Variants in CNPY1 observed in about 807,000 individuals in gnomAD.
CNPY1 encodes canopy FGF signaling regulator 1.
CNPY1 carries 14 observed loss-of-function variants against 14.4 expected under a neutral mutation model. The observed-to-expected ratio is 0.97, with a 90% CI of 0.64 to 1.52. CNPY1 has a LOEUF of 1.52. CNPY1 is among the 40% of genes most tolerant of loss of function. The pLI, the probability that CNPY1 is intolerant of heterozygous loss-of-function variation, is 0.00. For missense variants in CNPY1, 129 were observed against 131.5 expected (o/e 0.98, Z 0.09); for synonymous variants, 43 against 46.5 (o/e 0.92, Z 0.31).
chr7:155,542,045 G>T (rs994632765), intron 2 of CNPY1, among the ~76,000 whole-genome samples: 2 of 152,052 alleles, frequency 1.3e-5, no homozygotes, highest in Non-Finnish European at 2.9e-5. Flanking sequence ...GGGCAGGGTC[G>T]GGGGGGCAGA....
chr7:155,521,052 A>AAGG (rs1796711870), intron 2 of CNPY1, among the ~76,000 whole-genome samples: 1 of 134,456 alleles, frequency 7.4e-6, no homozygotes, highest in Non-Finnish European at 1.6e-5. Context: ...AAAAAAAAAG[A>AAGG]AAGAAGGAAG....
chr7:155,521,055 GAAGGAAGGAAGGAAGGAAGGAAGC>G (rs1563091208), intron 2 of CNPY1, among the ~76,000 whole-genome samples: 3 of 99,310 alleles, frequency 3.0e-5, no homozygotes, highest in Admixed American at 8.9e-5. Flanking sequence ...AAAAAAGAAA[GAAGGAAGGAAGGAAGGAAGGAAGC>G]AAGGAAGGAA....
intron 2 of CNPY1, among the ~76,000 whole-genome samples, chr7:155,527,857 G>A (rs553624215): frequency 6.6e-6 from 1 of 152,304 alleles, no homozygotes; most frequent in African/African-American, 2.4e-5. Flanking sequence ...CACACACAGG[G>A]GTCCCGGCCG....
chr7:155,516,781 C>T (rs982652472), intron 2 of CNPY1, among the ~76,000 whole-genome samples: 7 of 152,162 alleles, frequency 4.6e-5, no homozygotes, highest in Non-Finnish European at 7.4e-5. Context: ...GGGTGACACT[C>T]GGGCCATTCC....
intron 4 of CNPY1, 27 bp downstream of exon 4, chr7:155,506,993 G>C (rs763611061): frequency 7.0e-7 from 1 of 1,436,282 alleles, no homozygotes; most frequent in Non-Finnish European, 9.8e-7. Context: ...TGCGAGCAGC[G>C]AGCACATGTT....
At chr7:155,532,307 C>T (rs1446229774) in intron 2 of CNPY1, among the ~76,000 whole-genome samples, 1 of 152,200 alleles carries the variant, frequency 6.6e-6, no homozygotes, top group Admixed American at 6.5e-5. Context: ...CTTAAACAGC[C>T]TTCTCCAGCT....
chr7:155,504,727 C>CACACACAG (rs1437578432), intron 4 of CNPY1, among the ~76,000 whole-genome samples: 3 of 144,146 alleles, frequency 2.1e-5, no homozygotes, highest in African/African-American at 7.7e-5. Context: ...CACACACACA[C>CACACACAG]AGTCACATCT....
rs1796159839 is a variant in CNPY1, at chr7:155,502,793, C to G, written c.*275G>C. 2 of 447,688 alleles carry G rather than the reference C, an allele frequency of 4.5e-6. No homozygotes were observed. Among genetic ancestry groups the G allele is most frequent in the South Asian group, 9.7e-5 (2 of 20,560 alleles). The allele number at this position is 447,688 out of a possible 1,614,324, so 27.7% of individuals were successfully genotyped here. A position where few individuals can be genotyped will look rare whatever the true frequency, so the allele number is the denominator to read the frequency against. On this transcript the variant is annotated 3_prime_UTR_variant, in exon 5 of 5. Coordinates refer to ENST00000636446, the MANE Select transcript of CNPY1 (RefSeq NM_001393663.1). Reference sequence around the variant, plus strand: ...AATGTCTTCGCTTTTTTCCTCAATACAGAATTAAATCCTCTATTGTCAAGC... The same window carrying G: ...AATGTCTTCGCTTTTTTCCTCAATAGAGAATTAAATCCTCTATTGTCAAGC...
At chr7:155,520,542 A>G (rs1458543079) in intron 2 of CNPY1, among the ~76,000 whole-genome samples, 1 of 137,678 alleles carries the variant, frequency 7.3e-6, no homozygotes, top group Non-Finnish European at 1.5e-5. Flanking sequence ...AGTTCAAGTG[A>G]TTCTCATGCC....
chr7:155,517,907 T>G (rs1365489994), intron 2 of CNPY1, among the ~76,000 whole-genome samples: 1 of 152,240 alleles, frequency 6.6e-6, no homozygotes, highest in Non-Finnish European at 1.5e-5. Flanking sequence ...TTATCTCCGA[T>G]AGCCATCATT....
chr7:155,528,953 T>C (rs1464186352), intron 2 of CNPY1, among the ~76,000 whole-genome samples: 1 of 151,216 alleles, frequency 6.6e-6, no homozygotes, highest in Non-Finnish European at 1.5e-5. Flanking sequence ...CCCAGCTACT[T>C]GGGAAGCTGA....
At chr7:155,515,303 C>CT (rs1707564968) in intron 2 of CNPY1, among the ~76,000 whole-genome samples, 1 of 129,190 alleles carries the variant, frequency 7.7e-6, no homozygotes, top group Non-Finnish European at 1.7e-5. Context: ...CGCCCCCCCC[C>CT]CCCCCGGCCC....
At chr7:155,539,143 A>G (rs916125826) in intron 2 of CNPY1, among the ~76,000 whole-genome samples, 1 of 152,104 alleles carries the variant, frequency 6.6e-6, no homozygotes, top group Non-Finnish European at 1.5e-5. Context: ...GAGGATTCAG[A>G]GGAGATGTTC....
chr7:155,514,572 C>G (rs534678428), intron 2 of CNPY1, among the ~76,000 whole-genome samples: 1 of 152,146 alleles, frequency 6.6e-6, no homozygotes, highest in Non-Finnish European at 1.5e-5. Flanking sequence ...TGAATACTTG[C>G]GGGCATATGG....
chr7:155,506,199 G>A (rs1373985855), intron 4 of CNPY1, among the ~76,000 whole-genome samples: 1 of 152,150 alleles, frequency 6.6e-6, no homozygotes, highest in Non-Finnish European at 1.5e-5. Flanking sequence ...CTTCCACATT[G>A]TTTAAAAGTA....
At chr7:155,527,939 G>C (rs1416708743) in intron 2 of CNPY1, among the ~76,000 whole-genome samples, 1 of 152,188 alleles carries the variant, frequency 6.6e-6, no homozygotes, top group Non-Finnish European at 1.5e-5. Flanking sequence ...AAGGAGTTCA[G>C]GCTCCTTCCC....
At chr7:155,511,866 G>GA (rs1412585749) in intron 2 of CNPY1, among the ~76,000 whole-genome samples, 1 of 152,116 alleles carries the variant, frequency 6.6e-6, no homozygotes, top group Non-Finnish European at 1.5e-5. Flanking sequence ...AAGTATTTAA[G>GA]AAAAAGATAC....
chr7:155,536,912 T>G lies in CNPY1; in HGVS notation c.99+8919A>C, dbSNP rs759548334. 4.6e-5 allele frequency among the ~76,000 whole-genome samples: 7 copies of G among 152,260 alleles called. No homozygotes were observed. Among genetic ancestry groups the G allele is most frequent in the Non-Finnish European group, 8.8e-5 (6 of 68,054 alleles). ...ATAAAAATGAGTGATGGTGTTTCTC[T>G]TTTTAAATAAGATAAAAGAGAAATA... On this transcript the variant is annotated intron_variant, in intron 2 of 4. Transcript: ENST00000636446. This position sits in a 1 kb window ranked among gnomAD's most constrained non-coding sequence, Gnocchi z 4.1.
In CNPY1 at chr7:155,503,121, A is replaced by G; in HGVS notation, c.401-16T>C. The G allele has an allele frequency of 1.3e-6, 2 of 1,593,790 alleles. No individual in the cohort carries two copies. On this transcript the variant is annotated splice_polypyrimidine_tract_variant and intron_variant, in intron 4 of 4. Transcript: ENST00000636446. Reference sequence around the variant, plus strand: ...TCACACAGATCTGGAAAAAAAAAAAAAAGTAGATAGCATCATTATCACTTT... The same window carrying G: ...TCACACAGATCTGGAAAAAAAAAAAGAAGTAGATAGCATCATTATCACTTT...
Sources: gnomAD v4.1 joint callset for allele counts (sites outside exome capture counted in the v4.1 genomes callset) on GRCh38, gnomAD v4.1.1 for gene constraint, Gnocchi (gnomAD v3.1) non-coding constraint, MANE v1.5 for transcripts, NCBI Gene and HGNC (gene_info 2026-07-23, HGNC 2026-07-21) for gene names.